WNT9A: variants seen among roughly 807,000 people sequenced by gnomAD.
The protein encoded by WNT9A is protein Wnt-9a.
Under a neutral mutation model 31.4 loss-of-function variants are expected in WNT9A, and 8 were observed. That is an observed-to-expected ratio of 0.26 (90% CI 0.15 to 0.46). WNT9A has a LOEUF of 0.46. WNT9A is among the 20% of genes least tolerant of loss of function. The probability of loss-of-function intolerance (pLI) is 0.99; values close to 1 mark genes in which losing one functional copy is unlikely to be tolerated. For synonymous variants in WNT9A, 236 were observed against 220.1 expected (o/e 1.07, Z -0.64); for missense variants, 457 against 522.9 (o/e 0.87, Z 1.23).
At chr1:227,929,519 C>T (rs1484999296) in intron 1 of WNT9A, among the ~76,000 whole-genome samples, 5 of 152,286 alleles carry the variant, frequency 3.3e-5, no homozygotes, top group African/African-American at 1.2e-4. Flanking sequence ...AGTGATTAGG[C>T]GATGAACAGG....
At chr1:227,947,132 C>G (rs1666807468) in intron 1 of WNT9A, among the ~76,000 whole-genome samples, 1 of 152,160 alleles carries the variant, frequency 6.6e-6, no homozygotes, top group Admixed American at 6.5e-5. Flanking sequence ...CCCGGCAAAG[C>G]GCTGCTGCAG....
chr1:227,930,410 G>C (rs1401599240), intron 1 of WNT9A, among the ~76,000 whole-genome samples: 1 of 152,238 alleles, frequency 6.6e-6, no homozygotes, highest in African/African-American at 2.4e-5. Flanking sequence ...CCGGGGCACA[G>C]ATGGCCTATC....
At chr1:227,929,367 G>A (rs957736614) in intron 1 of WNT9A, among the ~76,000 whole-genome samples, 17 of 152,212 alleles carry the variant, frequency 1.1e-4, no homozygotes, top group Non-Finnish European at 2.1e-4. Context: ...ACTCTTCCAC[G>A]GCTGGAATTC....
chr1:227,925,191 C>A lies in WNT9A; in HGVS notation c.352+72G>T, dbSNP rs1286148417. 1.4e-6 allele frequency: 2 copies of A among 1,439,764 alleles called. No homozygotes were observed. The highest frequency in any genetic ancestry group is 1.8e-6 in the Non-Finnish European group (2 of 1,097,016). The allele number at this position is 1,439,764 out of a possible 1,614,324, so 89.2% of individuals were successfully genotyped here. A position where few individuals can be genotyped will look rare whatever the true frequency, so the allele number is the denominator to read the frequency against. On this transcript the variant is annotated intron_variant, in intron 2 of 3. Transcript: ENST00000272164. The surrounding 1 kb of genome is among the most constrained non-coding windows in gnomAD (Gnocchi z 6.0). ...CAGGAGCGCAGCCTAAGAGGGGCCT[C>A]TTGGGATATGGACAAGGCCTGGGCT...
chr1:227,934,661 C>T (rs181238221), intron 1 of WNT9A, among the ~76,000 whole-genome samples: 13 of 152,256 alleles, frequency 8.5e-5, no homozygotes, highest in Admixed American at 2.6e-4. Flanking sequence ...CAGTACTGTG[C>T]GTTCTAGTTT....
rs866374362 is a variant in WNT9A, at chr1:227,947,770, C to A, written c.95+23G>T. The A allele has an allele frequency of 1.2e-5, 13 of 1,073,498 alleles. 1 individual carries two copies. The Middle Eastern group carries it at 2.5e-3, about 210-fold the overall frequency. The allele number at this position is 1,073,498 out of a possible 1,614,324, so 66.5% of individuals were successfully genotyped here. A position where few individuals can be genotyped will look rare whatever the true frequency, so the allele number is the denominator to read the frequency against. ...CCCGCCGCCCCCGCCCACCAGTGCG[C>A]GCCGGCCGCCGAAGGCACCTACCCG... On this transcript the variant is annotated intron_variant, in intron 1 of 3. Transcript: ENST00000272164.
intron 1 of WNT9A, among the ~76,000 whole-genome samples, chr1:227,936,874 T>C (rs1666603798): frequency 6.6e-6 from 1 of 152,172 alleles, no homozygotes. Flanking sequence ...TCTGGAATCT[T>C]CTTTACAGCT....
intron 3 of WNT9A, among the ~76,000 whole-genome samples, chr1:227,923,052 G>A (rs1479741952): frequency 6.6e-6 from 1 of 152,194 alleles, no homozygotes; most frequent in East Asian, 1.9e-4. Context: ...GGGAAGGGGG[G>A]TCATACACAA....
chr1:227,925,651 T>C lies in WNT9A; in HGVS notation c.96-132A>G. ...GTGAGGGGGCAGAAAGAATCCAGGA[T>C]GAGCCAGGCAGGGGAGAGGGAGGCG... On this transcript the variant is annotated intron_variant, in intron 1 of 3. Coordinates refer to ENST00000272164, the MANE Select transcript of WNT9A (RefSeq NM_003395.4). This position sits in a 1 kb window ranked among gnomAD's most constrained non-coding sequence, Gnocchi z 6.0. 1 of 1,358,322 alleles carries C rather than the reference T, an allele frequency of 7.4e-7. No individual in the cohort carries two copies. The highest frequency in any genetic ancestry group is 9.6e-7 in the Non-Finnish European group (1 of 1,037,256). 84.1% of individuals were successfully genotyped at this position (1,358,322 alleles called of 1,614,324 possible).
At chr1:227,946,038 A>C (rs1273987731) in intron 1 of WNT9A, among the ~76,000 whole-genome samples, 1 of 152,198 alleles carries the variant, frequency 6.6e-6, no homozygotes. Context: ...CTACATGGAG[A>C]GCTGCCCTCA....
At position 227,925,372 on chromosome 1, in the gene WNT9A, C is replaced by A; in HGVS notation, c.243G>T (p.Thr81=). Residue 81 remains threonine (T), a synonymous_variant, in exon 2 of 4, where the codon ACG becomes ACT. Coordinates refer to ENST00000272164, the MANE Select transcript of WNT9A (RefSeq NM_003395.4). The surrounding 1 kb of genome is among the most constrained non-coding windows in gnomAD (Gnocchi z 6.0). Reference sequence around the variant, plus strand: ...CACTCATGCTCACGGCCTCCACCAGCGTCTCTGCCACGCCCGGGTCCCGGC... The same window carrying A: ...CACTCATGCTCACGGCCTCCACCAGAGTCTCTGCCACGCCCGGGTCCCGGC... The part of the protein sequence containing the change: ...MCRRDPGVAE[T]LVEAVSMSAL... The A allele has an allele frequency of 6.2e-7, 1 of 1,611,452 alleles. No homozygotes were observed. The highest frequency in any genetic ancestry group is 8.5e-7 in the Non-Finnish European group (1 of 1,179,554).
At chr1:227,937,625 G>A (rs60408515) in intron 1 of WNT9A, among the ~76,000 whole-genome samples, 10,655 of 152,320 alleles carry the variant, frequency 0.07, 842 homozygotes, top group East Asian at 0.2. Flanking sequence ...GAAGCAGGGC[G>A]TAAAGTGGCC....
intron 1 of WNT9A, among the ~76,000 whole-genome samples, chr1:227,930,402 G>A (rs1016774805): frequency 8.5e-5 from 13 of 152,188 alleles, no homozygotes; most frequent in East Asian, 3.9e-4. Context: ...GAGTTGTGCC[G>A]GGGCACAGAT....
chr1:227,933,074 G>C (rs1341845735), intron 1 of WNT9A, among the ~76,000 whole-genome samples: 2 of 152,232 alleles, frequency 1.3e-5, no homozygotes, highest in African/African-American at 4.8e-5. Context: ...CTCCTCTCTA[G>C]CTATGGAAGT....
chr1:227,934,070 C>T lies in WNT9A; in HGVS notation c.96-8551G>A, dbSNP rs749711140. Reference sequence around the variant, plus strand: ...CCTATTCCATTGTGTGGATGGAACACGTTGTGCTCATCCATTCATGTGCTG... The same window carrying T: ...CCTATTCCATTGTGTGGATGGAACATGTTGTGCTCATCCATTCATGTGCTG... On this transcript the variant is annotated intron_variant, in intron 1 of 3. Transcript: ENST00000272164. 5.3e-5 allele frequency among the ~76,000 whole-genome samples: 8 copies of T among 152,328 alleles called. No homozygotes were observed. The East Asian group carries it at 1.3e-3, about 26-fold the overall frequency.
At chr1:227,944,634 C>T (rs1666766369) in intron 1 of WNT9A, among the ~76,000 whole-genome samples, 1 of 152,188 alleles carries the variant, frequency 6.6e-6, no homozygotes, top group Admixed American at 6.5e-5. Flanking sequence ...ACCTTTCCAG[C>T]CCCGATGGCT....
At position 227,924,186 on chromosome 1, in the gene WNT9A, C is replaced by T. The variant is rs1480038244; in HGVS notation, c.567G>A (p.Lys189=). ...VKEFLGRRSS[K]DLRARVDFHN... ...GGAAGTCCACACGGGCTCGCAGATC[C>T]TTGCTTGACCGTCTGCCCAGGAATT... is the stretch of plus-strand genomic sequence containing the variant. The change falls in exon 3 of 4, where the codon AAG becomes AAA. Residue 189 remains lysine (K), a synonymous_variant. Transcript: ENST00000272164. 1.2e-6 allele frequency: 2 copies of T among 1,613,110 alleles called. No individual in the cohort carries two copies. The highest frequency in any genetic ancestry group is 2.2e-5 in the East Asian group (1 of 44,818).
In WNT9A at chr1:227,945,266, CCT is replaced by C. The variant is rs1228152250; in HGVS notation, c.95+2525_95+2526del. Among the ~76,000 whole-genome samples, 11 of 152,332 alleles carry C rather than the reference CCT, an allele frequency of 7.2e-5. No homozygotes were observed. In the East Asian group the frequency reaches 1.2e-3, roughly 16 times the overall value. The stretch of plus-strand genomic sequence containing the variant: ...CCTCGGGCTGGCCTCCCTGCTTACC[CCT>C]CTGTCTAGAAGGGCTTGGGGCCAGG... On this transcript the variant is annotated intron_variant, in intron 1 of 3. Coordinates refer to ENST00000272164, the MANE Select transcript of WNT9A (RefSeq NM_003395.4).
At chr1:227,947,686 C>A in intron 1 of WNT9A, 107 bp downstream of exon 1, 1 of 618,232 alleles carries the variant, frequency 1.6e-6, no homozygotes. Flanking sequence ...GCGGCCCCGC[C>A]GCGCCCCGGC....
Sources: allele counts gnomAD v4.1 joint callset (sites outside exome capture counted in the v4.1 genomes callset), GRCh38; gene constraint gnomAD v4.1.1; non-coding constraint Gnocchi (gnomAD v3.1); transcripts MANE v1.5; gene names NCBI Gene and HGNC (gene_info 2026-07-23, HGNC 2026-07-21).